Variants in KHDC1 observed in about 807,000 individuals in gnomAD.
The protein encoded by KHDC1 is KH homology domain-containing protein 1.
KHDC1 carries 21 observed loss-of-function variants against 24.7 expected under a neutral mutation model. That is an observed-to-expected ratio of 0.85 (90% CI 0.60 to 1.23). KHDC1 has a LOEUF of 1.23. KHDC1 is among the 50% of genes most tolerant of loss of function. The pLI is 0.00. For synonymous variants in KHDC1, 98 were observed against 111.7 expected, an observed-to-expected ratio of 0.88 and a Z score of 0.77; for missense variants, 274 against 298.5, an observed-to-expected ratio of 0.92 and a Z score of 0.61.
intron 2 of KHDC1, chr6:73,290,672 A>G: frequency 2.1e-6 from 1 of 472,344 alleles, no homozygotes; most frequent in Non-Finnish European, 4.1e-6. Flanking sequence ...GCTGTGCTGA[A>G]GTTTGCTGCT....
chr6:73,285,649 C>CTTTTTTTTTT (rs539979246), intron 2 of KHDC1, among the ~76,000 whole-genome samples: 9 of 130,064 alleles, frequency 6.9e-5, no homozygotes, highest in Non-Finnish European at 6.5e-5. Context: ...TCTTTTTTTT[C>CTTTTTTTTTT]TTTTTTTTTT....
intron 2 of KHDC1, among the ~76,000 whole-genome samples, chr6:73,255,118 A>C (rs1766857719): frequency 6.6e-6 from 1 of 152,008 alleles, no homozygotes. Flanking sequence ...TTTGAGCTCA[A>C]TAAAGATATA....
rs553296122 is a variant in KHDC1, at chr6:73,288,203, A to C, written c.206+3795T>G. Among the ~76,000 whole-genome samples the C allele has an allele frequency of 2.0e-4, 31 of 152,348 alleles. No individual in the cohort carries two copies. The South Asian group carries it at 5.8e-3, about 28-fold the overall frequency. On this transcript the variant is annotated intron_variant, in intron 2 of 4. Transcript: ENST00000370384. ...TCAACCAAGTGGTGGCACTAATTGCAGTTGCTGTGCCAGGTGTGGTGTTTT... is the reference window on the plus strand; with the variant it reads ...TCAACCAAGTGGTGGCACTAATTGCCGTTGCTGTGCCAGGTGTGGTGTTTT...
intron 2 of KHDC1, among the ~76,000 whole-genome samples, chr6:73,254,402 A>C (rs1258334355): frequency 2.6e-5 from 4 of 151,908 alleles, no homozygotes; most frequent in African/African-American, 9.7e-5. Flanking sequence ...CAGAGGTTGC[A>C]GTGAGCTGAG....
At chr6:73,308,151 T>A (rs1768006504) in intron 1 of KHDC1, among the ~76,000 whole-genome samples, 1 of 148,468 alleles carries the variant, frequency 6.7e-6, no homozygotes, top group Non-Finnish European at 1.5e-5. Context: ...CACGGCTCAC[T>A]GCAAGTTCCG....
chr6:73,309,212 C>G (rs185208621), intron 1 of KHDC1, among the ~76,000 whole-genome samples: 18 of 152,348 alleles, frequency 1.2e-4, no homozygotes, highest in African/African-American at 3.8e-4. Flanking sequence ...ATCTAAGTGA[C>G]GGGGCAGACC....
At chr6:73,290,169 C>T (rs550897341) in intron 2 of KHDC1, among the ~76,000 whole-genome samples, 147 of 149,370 alleles carry the variant, frequency 9.8e-4, no homozygotes, top group Middle Eastern at 3.4e-3. Context: ...CCCAGCTACT[C>T]GGGAAGCTGA....
intron 2 of KHDC1, among the ~76,000 whole-genome samples, chr6:73,281,707 CTAT>C (rs1337969026): frequency 6.6e-6 from 1 of 151,688 alleles, no homozygotes; most frequent in African/African-American, 2.4e-5. Flanking sequence ...TCAGTTTTTC[CTAT>C]TATTAACATC....
At chr6:73,292,589 C>G (rs945474159) in intron 1 of KHDC1, 2 of 764,036 alleles carry the variant, frequency 2.6e-6, no homozygotes, top group Non-Finnish European at 4.9e-6. Context: ...GTCTCTTCAG[C>G]AGAGAGCATG....
chr6:73,242,302 C>T, intron 3 of KHDC1, 65 bp from the exon 3 acceptor site: 2 of 1,602,702 alleles, frequency 1.2e-6, no homozygotes, highest in Non-Finnish European at 1.7e-6. Context: ...GGGGAGGTGG[C>T]CTTCAGGGTA....
chr6:73,251,799 CTTTT>C (rs754294241), intron 2 of KHDC1, among the ~76,000 whole-genome samples: 2 of 124,108 alleles, frequency 1.6e-5, no homozygotes, highest in Non-Finnish European at 3.6e-5. Flanking sequence ...CTTTTCTTTT[CTTTT>C]TTTTTTTTTA....
chr6:73,254,470 AT>A (rs1357019480), intron 2 of KHDC1, among the ~76,000 whole-genome samples: 346 of 6,650 alleles, frequency 0.052, 1 homozygote, highest in African/African-American at 0.17. Context: ...TAAAATAAAA[AT>A]AAATAAATAA....
At chr6:73,309,093 TTACA>T (rs1768029992) in intron 1 of KHDC1, among the ~76,000 whole-genome samples, 1 of 152,210 alleles carries the variant, frequency 6.6e-6, no homozygotes, top group Admixed American at 6.5e-5. Context: ...AGTGCAGGGA[TTACA>T]GGCGTGAGCC....
At chr6:73,304,714 G>A (rs1277843982) in intron 1 of KHDC1, among the ~76,000 whole-genome samples, 1 of 152,182 alleles carries the variant, frequency 6.6e-6, no homozygotes, top group Non-Finnish European at 1.5e-5. Context: ...CATAATGAGT[G>A]GATTGCTAGA....
intron 2 of KHDC1, among the ~76,000 whole-genome samples, chr6:73,248,296 C>T (rs1341104775): frequency 2.6e-5 from 4 of 152,172 alleles, no homozygotes; most frequent in East Asian, 3.9e-4. Context: ...ATCCCCCTTC[C>T]TGCTCCCTCT....
chr6:73,263,545 C>T (rs1226479730), intron 2 of KHDC1: 3 of 149,410 alleles, frequency 2.0e-5, no homozygotes, highest in South Asian at 2.1e-4. Context: ...TAGAGACCCT[C>T]GGGTGTCGGT....
chr6:73,291,816 A>G, intron 2 of KHDC1: 1 of 637,310 alleles, frequency 1.6e-6, no homozygotes, highest in Non-Finnish European at 2.8e-6. Context: ...TATTGGATAC[A>G]ATGTTTAATA....
At chr6:73,283,839 G>A (rs537579948) in intron 2 of KHDC1, among the ~76,000 whole-genome samples, 4 of 152,048 alleles carry the variant, frequency 2.6e-5, no homozygotes, top group Admixed American at 1.3e-4. Flanking sequence ...GCCTCCCACA[G>A]TGCTGGGATT....
chr6:73,308,982 C>T (rs1369140323), intron 1 of KHDC1, among the ~76,000 whole-genome samples: 1 of 152,152 alleles, frequency 6.6e-6, no homozygotes, highest in Non-Finnish European at 1.5e-5. Flanking sequence ...CAGGCACGCG[C>T]GCCAGGCTAA....
Sources: allele counts gnomAD v4.1 joint callset (sites outside exome capture counted in the v4.1 genomes callset), GRCh38; gene constraint gnomAD v4.1.1; transcripts MANE v1.5; gene names NCBI Gene and HGNC (gene_info 2026-07-23, HGNC 2026-07-21).